UBE2H: variants seen among roughly 807,000 people sequenced by gnomAD.
UBE2H encodes ubiquitin-conjugating enzyme E2 H.
A neutral mutation model predicts 29.0 loss-of-function variants in UBE2H; 3 were observed. The observed-to-expected ratio is 0.10, with a 90% confidence interval of 0.05 to 0.27. The LOEUF is 0.27. UBE2H is among the 10% of genes least tolerant of loss of function. The pLI is 1.00. For missense variants in UBE2H, 68 were observed against 228.2 expected (o/e 0.30, Z 4.52); for synonymous variants, 69 against 82.9 (o/e 0.83, Z 0.91).
At chr7:129,911,189 C>G (rs896610045) in intron 1 of UBE2H, among the ~76,000 whole-genome samples, 9 of 151,868 alleles carry the variant, frequency 5.9e-5, no homozygotes, top group African/African-American at 1.2e-4. Flanking sequence ...ACGGTGGAAC[C>G]CTGTCTCTAC....
chr7:129,880,931 T>G lies in UBE2H; in HGVS notation c.94A>C (p.Asn32His). The change falls in exon 2 of 7, where the codon AAT (asparagine) becomes CAT (histidine). Residue 32 changes from asparagine (N) to histidine (H), a missense_variant. Physicochemically the swap from Asn to His is moderately conservative, Grantham distance 68. Coordinates refer to ENST00000355621, the MANE Select transcript of UBE2H (RefSeq NM_003344.4). Reference protein sequence around the residue: ...KHEVTILGGLNEFVVKFYGPQ... With the variant: ...KHEVTILGGLHEFVVKFYGPQ... Reference sequence around the variant, plus strand: ...CCATAAAACTTCACTACAAATTCATTAAGTCCTCCCAGGATCGTAACCTCA... The same window carrying G: ...CCATAAAACTTCACTACAAATTCATGAAGTCCTCCCAGGATCGTAACCTCA... 1.2e-6 allele frequency: 2 copies of G among 1,613,834 alleles called. No homozygotes were observed. The highest frequency in any genetic ancestry group is 1.7e-6 in the Non-Finnish European group (2 of 1,179,898).
At chr7:129,900,091 C>T (rs2727477) in intron 1 of UBE2H, among the ~76,000 whole-genome samples, 87,668 of 151,238 alleles carry the variant, frequency 0.58, 25,947 homozygotes, top group Middle Eastern at 0.7. Context: ...GATCACATCA[C>T]TGCACTCCAG....
chr7:129,906,557 CAGAT>C (rs905476219), intron 1 of UBE2H, among the ~76,000 whole-genome samples: 3 of 152,146 alleles, frequency 2.0e-5, no homozygotes, highest in South Asian at 2.1e-4. Context: ...TCCTGAGAAA[CAGAT>C]AGGCATCTAG....
chr7:129,906,580 T>A (rs1010025300), intron 1 of UBE2H, among the ~76,000 whole-genome samples: 1 of 152,006 alleles, frequency 6.6e-6, no homozygotes, highest in Admixed American at 6.6e-5. Flanking sequence ...AGAATTAAGT[T>A]AAGTATTTGT....
chr7:129,889,056 G>A (rs1563035345), intron 1 of UBE2H, among the ~76,000 whole-genome samples: 1 of 152,166 alleles, frequency 6.6e-6, no homozygotes, highest in African/African-American at 2.4e-5. Context: ...AGGAAACTGA[G>A]AACAATACAT....
At chr7:129,864,994 A>G in intron 3 of UBE2H, 2 of 405,564 alleles carry the variant, frequency 4.9e-6, no homozygotes, top group East Asian at 7.2e-5. Context: ...ACAGGAATAA[A>G]TGTCCAGCTA....
chr7:129,872,845 CAAAAA>C (rs34001143), intron 3 of UBE2H, among the ~76,000 whole-genome samples: 43 of 72,000 alleles, frequency 6.0e-4, no homozygotes, highest in South Asian at 8.3e-4. Flanking sequence ...CACTCCGTCT[CAAAAA>C]AAAAAAAAAA....
intron 1 of UBE2H, among the ~76,000 whole-genome samples, chr7:129,883,764 T>C (rs1806301707): frequency 6.6e-6 from 1 of 151,756 alleles, no homozygotes; most frequent in African/African-American, 2.4e-5. Context: ...ATCGCTTGAA[T>C]CCGGAAGGCA....
chr7:129,838,893 T>C (rs1282553649), intron 6 of UBE2H, among the ~76,000 whole-genome samples: 1 of 152,204 alleles, frequency 6.6e-6, no homozygotes, highest in African/African-American at 2.4e-5. Flanking sequence ...TGCCTCGGGC[T>C]ACCAAAGTGC....
intron 3 of UBE2H, 103 bp from the exon 4 acceptor site, chr7:129,859,044 T>C: frequency 1.2e-6 from 1 of 863,692 alleles, no homozygotes; most frequent in South Asian, 1.5e-5. Flanking sequence ...TGATAATACT[T>C]ATAAATCACT....
chr7:129,874,687 T>C (rs1455522293), intron 3 of UBE2H, among the ~76,000 whole-genome samples: 1 of 152,096 alleles, frequency 6.6e-6, no homozygotes, highest in African/African-American at 2.4e-5. Flanking sequence ...TTATGATTAT[T>C]AGCTCTAAAG....
At chr7:129,915,465 C>T (rs1419481364) in intron 1 of UBE2H, among the ~76,000 whole-genome samples, 3 of 152,048 alleles carry the variant, frequency 2.0e-5, no homozygotes, top group African/African-American at 4.8e-5. Flanking sequence ...ACCTGGGAGG[C>T]GGAGTTTGCA....
At chr7:129,951,005 T>C (rs1052159138) in intron 1 of UBE2H, among the ~76,000 whole-genome samples, 3 of 152,258 alleles carry the variant, frequency 2.0e-5, no homozygotes, top group African/African-American at 7.2e-5. Context: ...ACCACAAACT[T>C]AGAAGTCTAT....
At chr7:129,845,768 C>T (rs1805500665) in intron 5 of UBE2H, among the ~76,000 whole-genome samples, 1 of 152,232 alleles carries the variant, frequency 6.6e-6, no homozygotes, top group South Asian at 2.1e-4. Context: ...AGTCTAATCT[C>T]AGGCTTTCCA....
At chr7:129,883,369 C>T (rs1242629902) in intron 1 of UBE2H, among the ~76,000 whole-genome samples, 1 of 152,148 alleles carries the variant, frequency 6.6e-6, no homozygotes, top group Non-Finnish European at 1.5e-5. Context: ...TGCCTGTCAG[C>T]GCTACTCCCG....
At chr7:129,916,125 A>C (rs938429785) in intron 1 of UBE2H, among the ~76,000 whole-genome samples, 4 of 152,190 alleles carry the variant, frequency 2.6e-5, no homozygotes, top group Non-Finnish European at 4.4e-5. Context: ...TCGTCAAATG[A>C]CTTCAGCTTT....
chr7:129,920,900 G>A (rs902293662), intron 1 of UBE2H, among the ~76,000 whole-genome samples: 3 of 150,202 alleles, frequency 2.0e-5, no homozygotes, highest in African/African-American at 4.9e-5. Context: ...GGTGTTGGCC[G>A]GGCACAGTGG....
intron 1 of UBE2H, among the ~76,000 whole-genome samples, chr7:129,883,936 C>A (rs1451635976): frequency 6.6e-6 from 1 of 151,894 alleles, no homozygotes; most frequent in African/African-American, 2.4e-5. Flanking sequence ...AAAATAATTT[C>A]TCTACAAAAA....
chr7:129,847,004 A>G (rs1216761693), intron 5 of UBE2H, among the ~76,000 whole-genome samples: 1 of 149,250 alleles, frequency 6.7e-6, no homozygotes, highest in Non-Finnish European at 1.5e-5. Context: ...CCGTCATCCT[A>G]TAATTATTAT....
Sources: allele counts gnomAD v4.1 joint callset (sites outside exome capture counted in the v4.1 genomes callset), GRCh38; gene constraint gnomAD v4.1.1; transcripts MANE v1.5; gene names NCBI Gene and HGNC (gene_info 2026-07-23, HGNC 2026-07-21).